The following FAT3 variants were observed in gnomAD, a reference collection of about 807,000 sequenced individuals.
FAT3 encodes protocadherin Fat 3.
Under a neutral mutation model 310.2 loss-of-function variants are expected in FAT3, and 95 were observed. The observed-to-expected ratio is 0.31, with a 90% CI of 0.26 to 0.36. FAT3 has a LOEUF of 0.36. Among genes scored for constraint, FAT3 ranks in the 10% least tolerant of loss-of-function variants. FAT3 has a pLI of 1.00. For synonymous variants in FAT3, 2,314 were observed against 2,192.9 expected, an observed-to-expected ratio of 1.06 and a Z score of -1.54; for missense variants, 5,408 against 5,715.6, an observed-to-expected ratio of 0.95 and a Z score of 1.74.
At chr11:92,469,344 G>A (rs1565340811) in intron 2 of FAT3, among the ~76,000 whole-genome samples, 2 of 152,184 alleles carry the variant, frequency 1.3e-5, no homozygotes, top group Admixed American at 1.3e-4. Flanking sequence ...TTTGGGGGCT[G>A]ATTTATAAGC....
chr11:92,261,936 T>C (rs1865571821), intron 1 of FAT3, among the ~76,000 whole-genome samples: 2 of 152,190 alleles, frequency 1.3e-5, no homozygotes, highest in South Asian at 4.1e-4. Flanking sequence ...TTTGCCTGCA[T>C]TCCAGGTTTT....
At chr11:92,877,851 A>T (rs539283597) in intron 22 of FAT3, among the ~76,000 whole-genome samples, 1 of 152,326 alleles carries the variant, frequency 6.6e-6, no homozygotes, top group East Asian at 1.9e-4. Flanking sequence ...ATGGGGTTAC[A>T]TCTCAATAAA....
intron 2 of FAT3, among the ~76,000 whole-genome samples, chr11:92,515,740 G>T (rs569177467): frequency 6.6e-6 from 1 of 152,114 alleles, no homozygotes; most frequent in South Asian, 2.1e-4. Context: ...GAATGAATGA[G>T]GGATTTTAAA....
At chr11:92,590,733 A>G (rs512164) in intron 3 of FAT3, among the ~76,000 whole-genome samples, 33,179 of 152,094 alleles carry the variant, frequency 0.22, 4,251 homozygotes, top group African/African-American at 0.36. Flanking sequence ...TTGCCTATTC[A>G]TTATATGCTG....
At chr11:92,240,549 A>G (rs1253086405) in intron 1 of FAT3, among the ~76,000 whole-genome samples, 2 of 149,734 alleles carry the variant, frequency 1.3e-5, no homozygotes, top group Admixed American at 6.7e-5. Context: ...TGCAAGCACA[A>G]TTACTTGAAA....
At chr11:92,753,307 A>C (rs921870622) in intron 4 of FAT3, among the ~76,000 whole-genome samples, 1 of 152,218 alleles carries the variant, frequency 6.6e-6, no homozygotes. Flanking sequence ...TATGACATCA[A>C]TTGCATGAGA....
At chr11:92,320,288 G>C (rs1947578015) in intron 1 of FAT3, among the ~76,000 whole-genome samples, 1 of 152,240 alleles carries the variant, frequency 6.6e-6, no homozygotes, top group Admixed American at 6.5e-5. Flanking sequence ...TTCAGCACTG[G>C]TCCCATGTAC....
chr11:92,627,289 T>C (rs1203345949), intron 3 of FAT3, among the ~76,000 whole-genome samples: 1 of 152,158 alleles, frequency 6.6e-6, no homozygotes, highest in African/African-American at 2.4e-5. Context: ...GTCAATAGCT[T>C]GATTCATAGG....
chr11:92,527,336 A>G (rs593485), intron 3 of FAT3, among the ~76,000 whole-genome samples: 3 of 152,190 alleles, frequency 2.0e-5, no homozygotes, highest in Non-Finnish European at 2.9e-5. Flanking sequence ...GTTGCAAGGA[A>G]TATAGGAGTC....
At chr11:92,462,700 G>A (rs746012538) in intron 2 of FAT3, among the ~76,000 whole-genome samples, 2 of 152,212 alleles carry the variant, frequency 1.3e-5, no homozygotes, top group African/African-American at 2.4e-5. Context: ...TGCTCATGCC[G>A]AAGAATTTCA....
intron 1 of FAT3, among the ~76,000 whole-genome samples, chr11:92,256,226 A>T (rs1865308684): frequency 1.3e-5 from 2 of 152,040 alleles, no homozygotes; most frequent in Admixed American, 6.6e-5. Flanking sequence ...GGAATAGGAC[A>T]TGGAGTTCCA....
Position 92,354,203 on chromosome 11 carries a change from C to T in FAT3, c.2091C>T (p.Leu697=). Residue 697 remains leucine, a synonymous_variant, in exon 2 of 28, where the codon CTC becomes CTT. Transcript: ENST00000525166. The part of the protein sequence containing the change: ...RVAQKLAEKL[L]IKAKANGKLN... ...CTCAAAAGCTGGCAGAGAAACTACT[C>T]ATTAAGGCAAAAGCAAATGGGAAAC... 1 of 1,613,828 alleles carries T rather than the reference C, an allele frequency of 6.2e-7. No individual in the cohort carries two copies. The highest frequency in any genetic ancestry group is 8.5e-7 in the Non-Finnish European group (1 of 1,179,858).
In FAT3 at chr11:92,585,249, T is replaced by C. The variant is rs573979314; in HGVS notation, c.3607+60301T>C. Among the ~76,000 whole-genome samples, 11 of 152,166 alleles carry C rather than the reference T, an allele frequency of 7.2e-5. No individual in the cohort carries two copies. In the East Asian group the frequency reaches 2.1e-3, roughly 29 times the overall value. ...AGTTTCATCTTCAATGTTTCAAATA[T>C]TGGTGACTATCAATTTAATTTTACA... is the stretch of plus-strand genomic sequence containing the variant. On this transcript the variant is annotated intron_variant, in intron 3 of 27. Coordinates refer to ENST00000525166, the MANE Select transcript of FAT3 (RefSeq NM_001367949.2).
intron 2 of FAT3, among the ~76,000 whole-genome samples, chr11:92,432,450 G>A (rs1013635855): frequency 3.9e-5 from 6 of 152,024 alleles, no homozygotes; most frequent in African/African-American, 1.4e-4. Flanking sequence ...GTTTTTGAGT[G>A]GTCCTCCTTT....
intron 19 of FAT3, among the ~76,000 whole-genome samples, chr11:92,851,629 C>T (rs567169081): frequency 6.6e-6 from 1 of 152,192 alleles, no homozygotes; most frequent in South Asian, 2.1e-4. Context: ...CTGATCCTGC[C>T]CTGACATACC....
intron 3 of FAT3, among the ~76,000 whole-genome samples, chr11:92,538,233 G>A (rs371610552): frequency 6.6e-6 from 1 of 152,000 alleles, no homozygotes; most frequent in East Asian, 1.9e-4. Flanking sequence ...TTAACCTGTT[G>A]AACAAGATCT....
At chr11:92,411,359 G>A (rs1950264248) in intron 2 of FAT3, among the ~76,000 whole-genome samples, 1 of 151,626 alleles carries the variant, frequency 6.6e-6, no homozygotes, top group Non-Finnish European at 1.5e-5. Flanking sequence ...AAAATACTAT[G>A]GTGTAAGAGC....
intron 26 of FAT3, 140 bp downstream of exon 26, chr11:92,889,388 CT>C: frequency 2.4e-6 from 1 of 420,946 alleles, no homozygotes; most frequent in Non-Finnish European, 4.1e-6. Context: ...ATTTATGGAT[CT>C]GTTTTAAAAT....
intron 24 of FAT3, among the ~76,000 whole-genome samples, chr11:92,885,513 G>GC (rs1239510413): frequency 1.3e-5 from 2 of 152,132 alleles, no homozygotes; most frequent in Non-Finnish European, 2.9e-5. Flanking sequence ...TTCTAGTGCT[G>GC]CCCCAACTTG....
Sources: allele counts gnomAD v4.1 joint callset (sites outside exome capture counted in the v4.1 genomes callset), GRCh38; gene constraint gnomAD v4.1.1; transcripts MANE v1.5; gene names NCBI Gene and HGNC (gene_info 2026-07-23, HGNC 2026-07-21).